Variants in GPR137C observed in about 807,000 individuals in gnomAD.
GPR137C encodes the protein G protein-coupled receptor 137C, also known as integral membrane protein GPR137C.
GPR137C carries 27 observed loss-of-function variants against 43.4 expected under a neutral mutation model. The ratio of observed to expected loss-of-function variants is 0.62; its 90% CI spans 0.46 to 0.86. GPR137C has a LOEUF of 0.86. Among genes scored for constraint, GPR137C ranks in the 40% least tolerant of loss-of-function variants. The pLI, the probability that GPR137C is intolerant of heterozygous loss-of-function variation, is 0.00. For synonymous variants in GPR137C, 285 were observed against 226.9 expected (o/e 1.26, Z -2.30); for missense variants, 522 against 534.6 (o/e 0.98, Z 0.23).
chr14:52,579,079 G>T (rs1377758021), intron 1 of GPR137C, among the ~76,000 whole-genome samples: 2 of 152,016 alleles, frequency 1.3e-5, no homozygotes, highest in Non-Finnish European at 2.9e-5. Flanking sequence ...CTTTCTTCTT[G>T]GGCTGCTAAG....
intron 1 of GPR137C, among the ~76,000 whole-genome samples, chr14:52,571,424 A>G (rs1285832154): frequency 6.6e-6 from 1 of 152,110 alleles, no homozygotes; most frequent in Non-Finnish European, 1.5e-5. Flanking sequence ...ACAACTAAAA[A>G]GAACTAGAGA....
At chr14:52,628,959 A>G (rs181269580) in intron 3 of GPR137C, among the ~76,000 whole-genome samples, 3 of 152,334 alleles carry the variant, frequency 2.0e-5, no homozygotes, top group East Asian at 3.9e-4. Context: ...AGACAACCCA[A>G]TTTGGAAGTG....
intron 3 of GPR137C, among the ~76,000 whole-genome samples, chr14:52,623,667 CTTCATAATATT>C (rs1427205103): frequency 4.6e-5 from 7 of 151,650 alleles, no homozygotes; most frequent in South Asian, 2.1e-4. Context: ...CTGAAAGAGG[CTTCATAATATT>C]TTCATAATAT....
At chr14:52,615,985 A>C (rs2039094265) in intron 3 of GPR137C, among the ~76,000 whole-genome samples, 1 of 152,152 alleles carries the variant, frequency 6.6e-6, no homozygotes, top group African/African-American at 2.4e-5. Flanking sequence ...TAAGGTTGCT[A>C]CTTTCTTCCA....
At chr14:52,608,065 G>T (rs2039001049) in intron 3 of GPR137C, among the ~76,000 whole-genome samples, 1 of 151,926 alleles carries the variant, frequency 6.6e-6, no homozygotes, top group African/African-American at 2.4e-5. Flanking sequence ...AATCCATTTT[G>T]CCACTCTGTA....
intron 1 of GPR137C, among the ~76,000 whole-genome samples, chr14:52,584,064 C>T (rs747267051): frequency 9.9e-5 from 15 of 152,080 alleles, no homozygotes; most frequent in African/African-American, 3.4e-4. Flanking sequence ...TCTAGTATTC[C>T]TCATCCCTTG....
Position 52,633,548 on chromosome 14 carries a change from A to C in GPR137C, c.886A>C (p.Ser296Arg). The part of the protein sequence containing the change: ...LSDKAHVEDI[S>R]GEEYIVFGMV... ...TTTACAGGCTCATGTAGAAGACATA[A>C]GTGGAGAAGAGTATATAGTATTTGG... Residue 296 changes from serine to arginine, a missense_variant, in exon 5 of 7, where the codon AGT becomes CGT. Ser to Arg is a moderately radical substitution (Grantham distance 110). Transcript: ENST00000321662. The C allele has an allele frequency of 1.9e-6, 3 of 1,612,162 alleles. No homozygotes were observed. The highest frequency in any genetic ancestry group is 2.5e-6 in the Non-Finnish European group (3 of 1,178,458).
At chr14:52,557,021 A>G (rs995634592) in intron 1 of GPR137C, among the ~76,000 whole-genome samples, 13 of 152,216 alleles carry the variant, frequency 8.5e-5, no homozygotes, top group Non-Finnish European at 7.4e-5. Context: ...TGTCCCTACC[A>G]GTAGATATAT....
chr14:52,620,651 G>A (rs1229738721), intron 3 of GPR137C, among the ~76,000 whole-genome samples: 1 of 150,544 alleles, frequency 6.6e-6, no homozygotes, highest in Admixed American at 6.6e-5. Context: ...ATCAGACAAA[G>A]CATTTATAAT....
chr14:52,592,684 A>G (rs2038799468), intron 1 of GPR137C, among the ~76,000 whole-genome samples: 2 of 152,182 alleles, frequency 1.3e-5, no homozygotes, highest in South Asian at 4.1e-4. Context: ...TTGATTTTGT[A>G]TCCTGAGACT....
intron 1 of GPR137C, among the ~76,000 whole-genome samples, chr14:52,579,182 G>C (rs72684251): frequency 0.098 from 14,851 of 152,212 alleles, 1,075 homozygotes; most frequent in East Asian, 0.36. Flanking sequence ...GGGTTGGGGT[G>C]GGGGAGAATC....
chr14:52,563,277 C>G (rs1337432130), intron 1 of GPR137C, among the ~76,000 whole-genome samples: 1 of 152,174 alleles, frequency 6.6e-6, no homozygotes, highest in African/African-American at 2.4e-5. Context: ...CCTAGATCCC[C>G]TCTTCTTTCC....
At chr14:52,625,284 C>A (rs1194354961) in intron 3 of GPR137C, among the ~76,000 whole-genome samples, 1 of 151,902 alleles carries the variant, frequency 6.6e-6, no homozygotes, top group Non-Finnish European at 1.5e-5. Context: ...GAGTTCAAGA[C>A]CAGCCTGACC....
intron 1 of GPR137C, among the ~76,000 whole-genome samples, chr14:52,553,822 G>T (rs1222995548): frequency 1.3e-5 from 2 of 152,144 alleles, no homozygotes; most frequent in African/African-American, 4.8e-5. Context: ...GTGAGTGAGT[G>T]TGTGTGTCTG....
At chr14:52,559,550 A>T (rs28716140) in intron 1 of GPR137C, among the ~76,000 whole-genome samples, 1 of 152,012 alleles carries the variant, frequency 6.6e-6, no homozygotes, top group Non-Finnish European at 1.5e-5. Context: ...AAAAGGGGGA[A>T]TTTTTTCAGT....
chr14:52,586,635 C>G (rs2038717293), intron 1 of GPR137C, among the ~76,000 whole-genome samples: 1 of 152,132 alleles, frequency 6.6e-6, no homozygotes, highest in Non-Finnish European at 1.5e-5. Context: ...TAAATGTGAA[C>G]ATATCACAGG....
chr14:52,574,605 C>G (rs2038523001), intron 1 of GPR137C, among the ~76,000 whole-genome samples: 1 of 152,092 alleles, frequency 6.6e-6, no homozygotes, highest in Non-Finnish European at 1.5e-5. Flanking sequence ...GGAGAGATAC[C>G]TAATGTAGAT....
intron 1 of GPR137C, among the ~76,000 whole-genome samples, chr14:52,562,306 C>T (rs891309432): frequency 6.6e-6 from 1 of 152,136 alleles, no homozygotes; most frequent in Non-Finnish European, 1.5e-5. Context: ...AATAATAATA[C>T]CTGCCTCATA....
chr14:52,620,131 T>A (rs1012040141), intron 3 of GPR137C, among the ~76,000 whole-genome samples: 4 of 152,074 alleles, frequency 2.6e-5, no homozygotes, highest in Non-Finnish European at 5.9e-5. Context: ...TGAGAGAAGG[T>A]CCCATCCATG....
Sources: gnomAD v4.1 joint callset for allele counts (sites outside exome capture counted in the v4.1 genomes callset) on GRCh38, gnomAD v4.1.1 for gene constraint, MANE v1.5 for transcripts, NCBI Gene and HGNC (gene_info 2026-07-23, HGNC 2026-07-21) for gene names.